The following RFX5 variants were observed in gnomAD, a reference collection of about 807,000 sequenced individuals.
The protein encoded by RFX5 is DNA-binding protein RFX5.
Under a neutral mutation model 41.2 loss-of-function variants are expected in RFX5, and 30 were observed. The ratio of observed to expected loss-of-function variants is 0.73; its 90% CI spans 0.54 to 0.99. The LOEUF (loss-of-function observed/expected upper bound fraction) is 0.99. Among genes scored for constraint, RFX5 ranks in the 50% least tolerant of loss-of-function variants. The pLI, the probability that RFX5 is intolerant of heterozygous loss-of-function variation, is 0.00. For synonymous variants in RFX5, 231 were observed against 291.8 expected, an observed-to-expected ratio of 0.79 and a Z score of 2.12; for missense variants, 715 against 773.6, an observed-to-expected ratio of 0.92 and a Z score of 0.90.
In RFX5 at chr1:151,345,911, T is replaced by C. The variant is rs1467888090; in HGVS notation, c.150+17A>G. ...GCATTTCCATCCCTCTCTTGCCCTC[T>C]TCCCCAACACACTTACCAGGATCCC... is the stretch of plus-strand genomic sequence containing the variant. On this transcript the variant is annotated intron_variant, in intron 4 of 10. Transcript: ENST00000452671. The C allele has an allele frequency of 6.2e-7, 1 of 1,614,108 alleles. No homozygotes were observed. Among genetic ancestry groups the C allele is most frequent in the Non-Finnish European group, 8.5e-7 (1 of 1,179,976 alleles).
In RFX5 at chr1:151,342,637, C is replaced by T. The variant is rs1417478126; in HGVS notation, c.1400G>A (p.Gly467Glu). The change falls in exon 11 of 11, where the codon GGG (glycine) becomes GAG (glutamate). Residue 467 changes from glycine to glutamate, a missense_variant. Gly to Glu is a moderately conservative substitution (Grantham distance 98). Transcript: ENST00000452671. ...DTASDAKRKRGRPRKKSGGSG... is the reference protein window; with the variant it reads ...DTASDAKRKRERPRKKSGGSG... ...TCCACCTGACTTTTTTCGAGGGCGCCCCCGTTTCCTTTTGGCATCACTTGC... is the reference window on the plus strand; with the variant it reads ...TCCACCTGACTTTTTTCGAGGGCGCTCCCGTTTCCTTTTGGCATCACTTGC... The T allele has an allele frequency of 6.2e-7, 1 of 1,614,168 alleles. No individual in the cohort carries two copies.
chr1:151,341,745 G>A lies in RFX5; in HGVS notation c.*441C>T, dbSNP rs368922531. ...GCAACAGTGAGAAAAAAGTCAGTCC[G>A]GTATTTAGAGACATACTGAACTACT... On this transcript the variant is annotated 3_prime_UTR_variant, in exon 11 of 11. Transcript: ENST00000452671. 4 of 307,888 alleles carry A rather than the reference G, an allele frequency of 1.3e-5. No individual in the cohort carries two copies. The highest frequency in any genetic ancestry group is 8.6e-5 in the East Asian group (1 of 11,682). 19.1% of individuals were successfully genotyped at this position (307,888 alleles called of 1,614,324 possible).
At position 151,344,709 on chromosome 1, in the gene RFX5, C is replaced by T; in HGVS notation, c.353+19G>A. On this transcript the variant is annotated intron_variant, in intron 6 of 10. Coordinates refer to ENST00000452671, the MANE Select transcript of RFX5 (RefSeq NM_001025603.2). ...ATGCCCACCAATCCACTCATCCCAC[C>T]ACCCACCCCTCCACCCACCGATAGG... is the stretch of plus-strand genomic sequence containing the variant. 1.9e-6 allele frequency: 3 copies of T among 1,542,634 alleles called. No individual in the cohort carries two copies. The highest frequency in any genetic ancestry group is 2.6e-6 in the Non-Finnish European group (3 of 1,140,324).
chr1:151,346,897 T>G (rs935618441), intron 1 of RFX5: 1 of 154,768 alleles, frequency 6.5e-6, no homozygotes, highest in African/African-American at 2.4e-5. Context: ...CGCCGGCCCC[T>G]ACGTCATCTC....
At position 151,343,840 on chromosome 1, in the gene RFX5, G is replaced by C. The variant is rs762300504; in HGVS notation, c.598C>G (p.Leu200Val). 2 of 1,614,134 alleles carry C rather than the reference G, an allele frequency of 1.2e-6. No homozygotes were observed. Among genetic ancestry groups the C allele is most frequent in the East Asian group, 2.2e-5 (1 of 44,886 alleles). The part of the protein sequence containing the change: ...PEVTPAPRDE[L>V]VEAACALTCD... ...GTCAGGGCACACGCTGCCTCCACCA[G>C]TTCATCTCGAGGTGCTGGGGTTACT... The change falls in exon 9 of 11, where the codon CTG becomes GTG. Residue 200 changes from leucine to valine, a missense_variant. By Grantham distance (32) the Leu-to-Val change is conservative. Transcript: ENST00000452671.
In RFX5 at chr1:151,343,899, C is replaced by T. The variant is rs767641355; in HGVS notation, c.556-17G>A. ...CATTTCTGGCTGAAGTGGGGAAGGA[C>T]ATGCCCAATCACACTCCAAATTAAA... On this transcript the variant is annotated splice_polypyrimidine_tract_variant and intron_variant, in intron 8 of 10. Transcript: ENST00000452671. 12 of 1,611,010 alleles carry T rather than the reference C, an allele frequency of 7.4e-6. No homozygotes were observed. In the South Asian group the frequency reaches 1.1e-4, roughly 15 times the overall value.
rs1650393405 is a variant in RFX5 at position 151,340,895 on chromosome 1, A to C, written c.*1291T>G. The C allele has an allele frequency of 6.6e-6, 1 of 152,592 alleles. No individual in the cohort carries two copies. The highest frequency in any genetic ancestry group is 2.1e-4 in the South Asian group (1 of 4,828). 9.5% of individuals were successfully genotyped at this position (152,592 alleles called of 1,614,324 possible). On this transcript the variant is annotated 3_prime_UTR_variant, in exon 11 of 11. Coordinates refer to ENST00000452671, the MANE Select transcript of RFX5 (RefSeq NM_001025603.2). ...AGGACAAAGTAGGTCTTCAATAAAT[A>C]TTAGTTGGTTTACTGCTTTTCCCAA... is the stretch of plus-strand genomic sequence containing the variant.
rs751882814 is a variant in RFX5, at chr1:151,343,136, C to T, written c.901G>A (p.Ala301Thr). The T allele has an allele frequency of 1.1e-5, 17 of 1,611,780 alleles. No homozygotes were observed. The highest frequency in any genetic ancestry group is 4.5e-5 in the East Asian group (2 of 44,900). Residue 301 changes from alanine (A) to threonine (T), a missense_variant, in exon 11 of 11, where the codon GCA becomes ACA. Ala to Thr is a moderately conservative substitution (Grantham distance 58). Transcript: ENST00000452671. ...LEARTGAGPL[A>T]RGERKKSVVE... Reference sequence around the variant, plus strand: ...ACACTCTTCTTCCGCTCTCCACGTGCGAGAGGACCGGCCCCAGTTCGGGCT... The same window carrying T: ...ACACTCTTCTTCCGCTCTCCACGTGTGAGAGGACCGGCCCCAGTTCGGGCT...
chr1:151,342,187 CA>C lies in RFX5; in HGVS notation c.1849del (p.Ter617AspfsTer14), dbSNP rs926636230. On this transcript the variant is annotated frameshift_variant and stop_lost, in exon 11 of 11. Transcript: ENST00000452671. LOFTEE classifies it high-confidence loss of function. ...EHKDPKATPP[*>X] Reference sequence around the variant, plus strand: ...AACACTCTTCCCCACAGACCTGTATCATGGGGGTGTTGCTTTTGGGTCTTTA... The same window carrying C: ...AACACTCTTCCCCACAGACCTGTATCTGGGGGTGTTGCTTTTGGGTCTTTA... 4.3e-6 allele frequency: 7 copies of C among 1,614,096 alleles called. No homozygotes were observed. In the Admixed American group the frequency reaches 6.7e-5, roughly 15 times the overall value.
In RFX5 at chr1:151,342,514, T is replaced by C; in HGVS notation, c.1523A>G (p.Glu508Gly). The change falls in exon 11 of 11, where the codon GAA becomes GGA. Residue 508 changes from glutamate to glycine, a missense_variant. Transcript: ENST00000452671. ...LPWETWGSGG[E>G]GNSAGGAERP... ...CTCTGCCCCTCCAGCTGAGTTGCCTTCCCCTCCTGAGCCCCATGTCTCCCA... is the reference window on the plus strand; with the variant it reads ...CTCTGCCCCTCCAGCTGAGTTGCCTCCCCCTCCTGAGCCCCATGTCTCCCA... 1 of 1,614,040 alleles carries C rather than the reference T, an allele frequency of 6.2e-7. No individual in the cohort carries two copies. The highest frequency in any genetic ancestry group is 8.5e-7 in the Non-Finnish European group (1 of 1,179,960).
In RFX5 at chr1:151,342,687, T is replaced by G. The variant is rs1650569195; in HGVS notation, c.1350A>C (p.Ala450=). 1 of 1,614,144 alleles carries G rather than the reference T, an allele frequency of 6.2e-7. No individual in the cohort carries two copies. Among genetic ancestry groups the G allele is most frequent in the Admixed American group, 1.7e-5 (1 of 60,006 alleles). ...CTGTATCCTCTATATCCTGCTTTGCTGCTTTAGCTGGTGGAGCCTGCCCAC... is the reference window on the plus strand; with the variant it reads ...CTGTATCCTCTATATCCTGCTTTGCGGCTTTAGCTGGTGGAGCCTGCCCAC... ...EASGQAPPAK[A]AKQDIEDTAS... Residue 450 remains alanine (A), a synonymous_variant, in exon 11 of 11, where the codon GCA becomes GCC. Coordinates refer to ENST00000452671, the MANE Select transcript of RFX5 (RefSeq NM_001025603.2).
Position 151,343,826 on chromosome 1 carries a change from C to G in RFX5, c.612G>C (p.Ala204=). The G allele has an allele frequency of 3.7e-6, 6 of 1,614,106 alleles. No individual in the cohort carries two copies. The highest frequency in any genetic ancestry group is 5.1e-6 in the Non-Finnish European group (6 of 1,180,044). ...PAPRDELVEA[A]CALTCDWAER... ...CTGCCCAGTCACAGGTCAGGGCACACGCTGCCTCCACCAGTTCATCTCGAG... is the reference window on the plus strand; with the variant it reads ...CTGCCCAGTCACAGGTCAGGGCACAGGCTGCCTCCACCAGTTCATCTCGAG... Residue 204 remains alanine, a synonymous_variant, in exon 9 of 11, where the codon GCG becomes GCC. Coordinates refer to ENST00000452671, the MANE Select transcript of RFX5 (RefSeq NM_001025603.2).
intron 4 of RFX5, 78 bp downstream of exon 4, chr1:151,345,850 T>C: frequency 1.3e-6 from 2 of 1,592,318 alleles, no homozygotes; most frequent in South Asian, 1.1e-5. Flanking sequence ...ATCAATGTTT[T>C]GTTGATGCCC....
In RFX5 at chr1:151,342,933, A is replaced by G. The variant is rs1191498228; in HGVS notation, c.1104T>C (p.Ser368=). 1 of 1,613,996 alleles carries G rather than the reference A, an allele frequency of 6.2e-7. No homozygotes were observed. The highest frequency in any genetic ancestry group is 1.3e-5 in the African/African-American group (1 of 74,924). ...GALKVATLPL[S]SRAGAPPAAV... ...CTGCTGGGGGTGCCCCGGCCCTACT[A>G]GACAGAGGCAGTGTAGCCACTTTCA... The change falls in exon 11 of 11, where the codon TCT becomes TCC. Residue 368 remains serine (S), a synonymous_variant. Transcript: ENST00000452671.
In RFX5 at chr1:151,343,877, T is replaced by G; in HGVS notation, c.561A>C (p.Glu187Asp). The change falls in exon 9 of 11, where the codon GAA (glutamate) becomes GAC (aspartate). Residue 187 changes from glutamate (E) to aspartate (D), a missense_variant. Glu to Asp is a conservative substitution (Grantham distance 45). Coordinates refer to ENST00000452671, the MANE Select transcript of RFX5 (RefSeq NM_001025603.2). The stretch of plus-strand genomic sequence containing the variant: ...GTGCTGGGGTTACTTCTGGGCCCAT[T>G]TCTGGCTGAAGTGGGGAAGGACATG... ...GLDLKGSESPEMGPEVTPAPR... is the reference protein window; with the variant it reads ...GLDLKGSESPDMGPEVTPAPR... The G allele has an allele frequency of 1.2e-6, 2 of 1,613,114 alleles. No individual in the cohort carries two copies. Among genetic ancestry groups the G allele is most frequent in the Non-Finnish European group, 1.7e-6 (2 of 1,179,322 alleles).
intron 7 of RFX5, 43 bp from the exon 8 acceptor site, chr1:151,344,321 GCCCCTCGAGCAAGTTAAGCTGTT>G (rs1650796356): frequency 6.2e-7 from 1 of 1,613,578 alleles, no homozygotes; most frequent in African/African-American, 1.3e-5. Flanking sequence ...CGATCTCCAA[GCCCCTCGAGCAAGTTAAGCTGTT>G]CCACTCCTTG....
chr1:151,343,584 G>A (rs763340224), intron 9 of RFX5, 97 bp downstream of exon 9: 7 of 1,455,670 alleles, frequency 4.8e-6, no homozygotes, highest in South Asian at 4.8e-5. Flanking sequence ...CCAGGAAGAG[G>A]GGGCAAATCC....
In RFX5 at chr1:151,346,274, C is replaced by T. The variant is rs1212215048; in HGVS notation, c.47G>A (p.Arg16Lys). 6.2e-7 allele frequency: 1 copy of T among 1,614,154 alleles called. No homozygotes were observed. Among genetic ancestry groups the T allele is most frequent in the South Asian group, 1.1e-5 (1 of 91,082 alleles). ...PDAKSPKTGG[R>K]APPGGAEAGE... The stretch of plus-strand genomic sequence containing the variant: ...AGCCTCAGCACCACCTGGGGGGGCC[C>T]TTCCCCCAGTCTTGGGGCTCTTAGC... The change falls in exon 3 of 11, where the codon AGG (arginine) becomes AAG (lysine). Residue 16 changes from arginine to lysine, a missense_variant. Transcript: ENST00000452671.
intron 4 of RFX5, 141 bp from the exon 5 acceptor site, chr1:151,345,329 G>C (rs1650912783): frequency 1.4e-6 from 1 of 698,598 alleles, no homozygotes; most frequent in Non-Finnish European, 2.5e-6. Context: ...ATTTGACAAG[G>C]CCGGGCACGG....
Sources: allele counts gnomAD v4.1 joint callset, GRCh38; gene constraint gnomAD v4.1.1; transcripts MANE v1.5; gene names NCBI Gene and HGNC (gene_info 2026-07-23, HGNC 2026-07-21).